KIF1B: variants seen among roughly 807,000 people sequenced by gnomAD.
KIF1B encodes the protein kinesin family member 1B.
Under a neutral mutation model 241.9 loss-of-function variants are expected in KIF1B, and 76 were observed. The observed-to-expected ratio is 0.31, with a 90% CI of 0.26 to 0.38. The LOEUF is 0.38. Ranked by LOEUF, KIF1B falls within the 10% of genes least tolerant of loss-of-function variation. The pLI, the probability that KIF1B is intolerant of heterozygous loss-of-function variation, is 1.00. For missense variants in KIF1B, 1,622 were observed against 2,271.4 expected, an observed-to-expected ratio of 0.71 and a Z score of 5.81; for synonymous variants, 750 against 796.7, an observed-to-expected ratio of 0.94 and a Z score of 0.99.
intron 23 of KIF1B, among the ~76,000 whole-genome samples, chr1:10,320,681 C>T (rs1215807358): frequency 6.6e-6 from 1 of 152,138 alleles, no homozygotes; most frequent in Non-Finnish European, 1.5e-5. Context: ...TTCAAACTAA[C>T]TTTGAAGGAA....
intron 22 of KIF1B, chr1:10,308,530 AG>A: frequency 1.9e-6 from 2 of 1,026,448 alleles, no homozygotes; most frequent in Non-Finnish European, 2.3e-6. Flanking sequence ...CTTTTCAGAA[AG>A]GGAGTGTTAG....
Position 10,374,711 on chromosome 1 carries a change from A to T in KIF1B, c.5097-143A>T. 1.1e-6 allele frequency: 1 copy of T among 941,590 alleles called. No individual in the cohort carries two copies. The highest frequency in any genetic ancestry group is 1.7e-6 in the Non-Finnish European group (1 of 594,636). The allele number at this position is 941,590 out of a possible 1,614,324, so 58.3% of individuals were successfully genotyped here. On this transcript the variant is annotated intron_variant, in intron 46 of 48. Transcript: ENST00000676179. The surrounding 1 kb of genome is among the most constrained non-coding windows in gnomAD (Gnocchi z 4.3). ...TTCGCTTTTGCCGTATTACTTTGGCAGATAAGATTCTAGGCCAAATAGGTC... is the reference window on the plus strand; with the variant it reads ...TTCGCTTTTGCCGTATTACTTTGGCTGATAAGATTCTAGGCCAAATAGGTC...
intron 22 of KIF1B, chr1:10,304,068 C>G (rs772588106): frequency 2.5e-6 from 4 of 1,612,478 alleles, no homozygotes; most frequent in South Asian, 1.1e-5. Context: ...CCCGCTTCCC[C>G]TTTAAGAGCA....
chr1:10,299,311 TTGCTC>T (rs575077716), intron 22 of KIF1B, among the ~76,000 whole-genome samples: 95 of 152,298 alleles, frequency 6.2e-4, no homozygotes, highest in African/African-American at 2.2e-3. Flanking sequence ...TGGTTGTTGT[TTGCTC>T]TGTGTATCTG....
intron 1 of KIF1B, among the ~76,000 whole-genome samples, chr1:10,217,523 G>A (rs572850724): frequency 2.0e-5 from 3 of 151,764 alleles, no homozygotes; most frequent in Non-Finnish European, 2.9e-5. Flanking sequence ...CACCATGTTG[G>A]CCAGGCTGGT....
At chr1:10,342,650 C>CGA (rs1344875608) in intron 33 of KIF1B, among the ~76,000 whole-genome samples, 1 of 152,094 alleles carries the variant, frequency 6.6e-6, no homozygotes, top group African/African-American at 2.4e-5. Context: ...GTTTCACTAT[C>CGA]TAGGATTATC....
chr1:10,347,709 C>G, intron 35 of KIF1B, 52 bp from the exon 36 acceptor site: 1 of 1,450,380 alleles, frequency 6.9e-7, no homozygotes, highest in Middle Eastern at 1.7e-4. Context: ...AGGGGCTAAG[C>G]CTTGCAGATG....
chr1:10,292,097 C>G lies in KIF1B; in HGVS notation c.1565C>G (p.Thr522Ser), dbSNP rs1213201847. 1.2e-6 allele frequency: 2 copies of G among 1,613,740 alleles called. No homozygotes were observed. The highest frequency in any genetic ancestry group is 1.7e-5 in the Admixed American group (1 of 59,992). ...MGVAIREDGG[T>S]LGVFSPKKTP... The stretch of plus-strand genomic sequence containing the variant: ...GTTGCCATTCGGGAAGATGGAGGAA[C>G]CCTAGGGGTTTTCTCACCTAAAAAG... The change falls in exon 17 of 49, where the codon ACC (threonine) becomes AGC (serine). Residue 522 changes from threonine to serine, a missense_variant. Thr to Ser is a moderately conservative substitution (Grantham distance 58, BLOSUM62 1). Transcript: ENST00000676179.
chr1:10,245,439 G>A (rs576038154), intron 2 of KIF1B, among the ~76,000 whole-genome samples: 1 of 152,144 alleles, frequency 6.6e-6, no homozygotes, highest in Non-Finnish European at 1.5e-5. Context: ...CTTCAAGTCA[G>A]CCTTTATGGA....
At chr1:10,244,698 C>T (rs1170278665) in intron 2 of KIF1B, among the ~76,000 whole-genome samples, 4 of 151,210 alleles carry the variant, frequency 2.6e-5, no homozygotes, top group African/African-American at 7.3e-5. Context: ...CTGCAAGCTC[C>T]GCCTCCCGGG....
intron 22 of KIF1B, among the ~76,000 whole-genome samples, chr1:10,311,918 C>T (rs553795697): frequency 1.3e-5 from 2 of 151,572 alleles, no homozygotes; most frequent in South Asian, 2.1e-4. Context: ...CTCATTGAGT[C>T]CTCACAACAC....
chr1:10,363,260 ATT>A (rs1557738099), intron 40 of KIF1B, 21 bp from the exon 41 acceptor site: 1 of 1,597,084 alleles, frequency 6.3e-7, no homozygotes. Context: ...AGATTAAACA[ATT>A]GTTTTATTTT....
chr1:10,269,606 G>C (rs1031837423), intron 7 of KIF1B, among the ~76,000 whole-genome samples: 4 of 151,572 alleles, frequency 2.6e-5, no homozygotes, highest in Non-Finnish European at 5.9e-5. Flanking sequence ...GATCACCTGA[G>C]GTCAGGAGTT....
chr1:10,366,934 G>A (rs1638593640), intron 43 of KIF1B, among the ~76,000 whole-genome samples: 1 of 151,886 alleles, frequency 6.6e-6, no homozygotes, highest in South Asian at 2.1e-4. Flanking sequence ...TCGCGCCACT[G>A]CACTCCAGCC....
chr1:10,228,825 T>TTA (rs1172398408), intron 1 of KIF1B, among the ~76,000 whole-genome samples: 1 of 152,168 alleles, frequency 6.6e-6, no homozygotes, highest in Non-Finnish European at 1.5e-5. Flanking sequence ...TAAAGCAACT[T>TTA]TATATCTTAG....
Position 10,365,392 on chromosome 1 carries a change from A to T in KIF1B, c.4513-17A>T. 1 of 1,614,088 alleles carries T rather than the reference A, an allele frequency of 6.2e-7. No homozygotes were observed. The highest frequency in any genetic ancestry group is 1.1e-5 in the South Asian group (1 of 91,074). The stretch of plus-strand genomic sequence containing the variant: ...CGAGCTTTGTGTTTGCTATAGCAGT[A>T]GTATTGATCTTCTCAGGTGGAAAAA... On this transcript the variant is annotated splice_polypyrimidine_tract_variant and intron_variant, in intron 42 of 48. Coordinates refer to ENST00000676179, the MANE Select transcript of KIF1B (RefSeq NM_001365951.3). This position sits in a 1 kb window ranked among gnomAD's most constrained non-coding sequence, Gnocchi z 4.0.
chr1:10,271,603 G>T (rs1166129432), intron 8 of KIF1B, 24 bp downstream of exon 8: 1 of 1,516,974 alleles, frequency 6.6e-7, no homozygotes, highest in East Asian at 2.3e-5. Context: ...CAAATAAATG[G>T]CCTGATCAAT....
chr1:10,380,808 C>A lies in KIF1B; in HGVS notation c.*4221C>A. 1 of 219,784 alleles carries A rather than the reference C, an allele frequency of 4.5e-6. No homozygotes were observed. The allele number at this position is 219,784 out of a possible 1,614,324, so 13.6% of individuals were successfully genotyped here. A position where few individuals can be genotyped will look rare whatever the true frequency, so the allele number is the denominator to read the frequency against. On this transcript the variant is annotated 3_prime_UTR_variant, in exon 49 of 49. Transcript: ENST00000676179. ...GTGCACTACAGTTGTTCACCAGGGC[C>A]AGTGATTCACCCCAGTGTGTGGCCA...
rs757816359 is a variant in KIF1B, at chr1:10,326,252, C to T, written c.2817C>T (p.Phe939=). Residue 939 remains phenylalanine, a synonymous_variant, in exon 27 of 49, where the codon TTC becomes TTT. Coordinates refer to ENST00000676179, the MANE Select transcript of KIF1B (RefSeq NM_001365951.3). This position sits in a 1 kb window ranked among gnomAD's most constrained non-coding sequence, Gnocchi z 5.2. ...TGGAGGATTTTGATGATGAGGCATTCGTGGATGACGCCGGCTCTGACGCAG... is the reference window on the plus strand; with the variant it reads ...TGGAGGATTTTGATGATGAGGCATTTGTGGATGACGCCGGCTCTGACGCAG... The part of the protein sequence containing the change: ...DEMEDFDDEA[F]VDDAGSDAGT... The T allele has an allele frequency of 6.2e-6, 10 of 1,614,010 alleles. No individual in the cohort carries two copies. In the East Asian group the frequency reaches 1.1e-4, roughly 18 times the overall value.
Sources: gnomAD v4.1 joint callset for allele counts (sites outside exome capture counted in the v4.1 genomes callset) on GRCh38, gnomAD v4.1.1 for gene constraint, Gnocchi (gnomAD v3.1) non-coding constraint, MANE v1.5 for transcripts, NCBI Gene and HGNC (gene_info 2026-07-23, HGNC 2026-07-21) for gene names.